Variants in C22orf31 observed in about 807,000 individuals in gnomAD.
C22orf31 encodes uncharacterized protein C22orf31.
Under a neutral mutation model 15.0 loss-of-function variants are expected in C22orf31, and 11 were observed. That is an observed-to-expected ratio of 0.73 (90% CI 0.46 to 1.21). The LOEUF (loss-of-function observed/expected upper bound fraction) is 1.21. Among genes scored for constraint, C22orf31 ranks in the 50% most tolerant of loss-of-function variants. The pLI is 0.00. For synonymous variants in C22orf31, 132 were observed against 133.3 expected, an observed-to-expected ratio of 0.99 and a Z score of 0.07; for missense variants, 340 against 347.2, an observed-to-expected ratio of 0.98 and a Z score of 0.17.
chr22:29,059,791 T>G (rs2037364075), intron 2 of C22orf31: 2 of 985,340 alleles, frequency 2.0e-6, no homozygotes, highest in South Asian at 9.4e-5. Flanking sequence ...TGCACAAGCA[T>G]GCACTACCCA....
At chr22:29,065,654 G>A (rs887692121), upstream of C22orf31, among the ~76,000 whole-genome samples, 2 of 152,218 alleles carry the variant, frequency 1.3e-5, no homozygotes, top group Non-Finnish European at 2.9e-5. Context: ...GCAGGTAGCT[G>A]AAGATAAGAT....
intron 1 of C22orf31, 133 bp from the exon 2 acceptor site, chr22:29,060,976 C>T: frequency 2.8e-6 from 2 of 723,502 alleles, no homozygotes; most frequent in Non-Finnish European, 4.5e-6. Flanking sequence ...TAGAAATTTA[C>T]TATATGTCCT....
At chr22:29,073,313 C>A in the C22orf31 span, 1 of 427,280 alleles carries the variant, frequency 2.3e-6, no homozygotes, top group East Asian at 6.9e-5. This position sits in a 1 kb window ranked among gnomAD's most constrained non-coding sequence, Gnocchi z 4.4. Flanking sequence ...GAGCCCCCTC[C>A]CTCCCGCTTC....
chr22:29,061,624 A>G (rs1038220020), intron 1 of C22orf31, among the ~76,000 whole-genome samples, 166 bp downstream of exon 1: 4 of 152,152 alleles, frequency 2.6e-5, no homozygotes, highest in African/African-American at 7.2e-5. Context: ...AGGGAAATCA[A>G]TATACTCTGG....
At chr22:29,061,280 G>T (rs567951470) in intron 1 of C22orf31, among the ~76,000 whole-genome samples, 14 of 152,014 alleles carry the variant, frequency 9.2e-5, no homozygotes, top group Middle Eastern at 3.4e-3. Context: ...TTTTGTGTGT[G>T]GGGGGGACGG....
chr22:29,069,409 T>C, the C22orf31 span, among the ~76,000 whole-genome samples: 1 of 152,172 alleles, frequency 6.6e-6, no homozygotes, highest in Non-Finnish European at 1.5e-5. Context: ...TCCAACATTG[T>C]AGGTCTCCTG....
chr22:29,066,460 C>T (rs1275967069), upstream of C22orf31, among the ~76,000 whole-genome samples: 1 of 151,330 alleles, frequency 6.6e-6, no homozygotes, highest in Non-Finnish European at 1.5e-5. Context: ...TCCTGTGTGC[C>T]TTCCCACCAG....
At chr22:29,059,239 T>A (rs1458104044) in intron 2 of C22orf31, 57 bp from the exon 3 acceptor site, 1 of 1,285,554 alleles carries the variant, frequency 7.8e-7, no homozygotes, top group South Asian at 1.4e-5. Context: ...GAGCTCAGAA[T>A]AATTATCTGG....
chr22:29,059,275 C>T (rs1028113052), intron 2 of C22orf31, 93 bp from the exon 3 acceptor site: 2 of 913,216 alleles, frequency 2.2e-6, no homozygotes, highest in Non-Finnish European at 3.3e-6. Context: ...GTCTTGGTTA[C>T]AGCAACAACC....
chr22:29,060,032 T>C (rs58968566), intron 2 of C22orf31: 2 of 907,664 alleles, frequency 2.2e-6, no homozygotes, highest in South Asian at 5.1e-5. Flanking sequence ...TTTTTTTTTT[T>C]TTTTTTTTTT....
the C22orf31 span, among the ~76,000 whole-genome samples, chr22:29,073,443 C>A: frequency 1.3e-5 from 2 of 151,882 alleles, no homozygotes; most frequent in Non-Finnish European, 2.9e-5. The surrounding 1 kb of genome is among the most constrained non-coding windows in gnomAD (Gnocchi z 4.4). Context: ...CCGGTACTGT[C>A]CCCCGGCTGC....
At chr22:29,062,140 C>T (rs2037397686), upstream of C22orf31, among the ~76,000 whole-genome samples, 1 of 152,094 alleles carries the variant, frequency 6.6e-6, no homozygotes, top group Non-Finnish European at 1.5e-5. Context: ...CTCATTTCCC[C>T]CAAAATGGCT....
upstream of C22orf31, among the ~76,000 whole-genome samples, chr22:29,064,504 T>C (rs929011727): frequency 6.6e-6 from 1 of 151,862 alleles, no homozygotes; most frequent in Non-Finnish European, 1.5e-5. Flanking sequence ...AATGAATATT[T>C]GCTTTTTTGT....
chr22:29,064,136 A>T (rs1463800304), upstream of C22orf31, among the ~76,000 whole-genome samples: 1 of 152,088 alleles, frequency 6.6e-6, no homozygotes, highest in Non-Finnish European at 1.5e-5. Flanking sequence ...CCAAAGTGCT[A>T]GGAATACAGG....
chr22:29,059,603 A>T, intron 2 of C22orf31: 2 of 730,522 alleles, frequency 2.7e-6, no homozygotes, highest in Non-Finnish European at 3.3e-6. Context: ...CAAAGAAATT[A>T]AGCCCGAGGT....
chr22:29,060,021 C>CTTTTTTTTTTTTT (rs60208241), intron 2 of C22orf31: 282 of 541,622 alleles, frequency 5.2e-4, no homozygotes, highest in Admixed American at 2.3e-3. Context: ...TTTTTCTTTT[C>CTTTTTTTTTTTTT]TTTTTTTTTT....
chr22:29,064,027 C>T (rs370457854), upstream of C22orf31, among the ~76,000 whole-genome samples: 3 of 152,082 alleles, frequency 2.0e-5, no homozygotes, highest in South Asian at 2.1e-4. Flanking sequence ...ACTATCATGC[C>T]GGGCTAATTT....
At chr22:29,073,278 G>T in the C22orf31 span, 1 of 827,310 alleles carries the variant, frequency 1.2e-6, no homozygotes, top group Non-Finnish European at 1.6e-6. This position sits in a 1 kb window ranked among gnomAD's most constrained non-coding sequence, Gnocchi z 4.4. Flanking sequence ...CCCACTCGAG[G>T]GGCGACAAGG....
chr22:29,067,592 A>C, the C22orf31 span, among the ~76,000 whole-genome samples: 1 of 152,006 alleles, frequency 6.6e-6, no homozygotes. Flanking sequence ...TACAGGCATG[A>C]GCCACCACGC....
Sources: allele counts gnomAD v4.1 joint callset (sites outside exome capture counted in the v4.1 genomes callset), GRCh38; gene constraint gnomAD v4.1.1; non-coding constraint Gnocchi (gnomAD v3.1); transcripts MANE v1.5; gene names NCBI Gene and HGNC (gene_info 2026-07-23, HGNC 2026-07-21).